The following KANK1 variants were observed in gnomAD, a reference collection of about 807,000 sequenced individuals.
The protein encoded by KANK1 is KN motif and ankyrin repeat domain-containing protein 1.
In KANK1, 109 loss-of-function variants were observed where a neutral mutation model predicts 106.2. The observed-to-expected ratio is 1.03, with a 90% confidence interval of 0.88 to 1.20. The LOEUF (loss-of-function observed/expected upper bound fraction) is 1.20. KANK1 is among the 50% of genes most tolerant of loss of function. KANK1 has a pLI of 0.00. For synonymous variants in KANK1, 873 were observed against 652.2 expected (o/e 1.34, Z -5.16); for missense variants, 2,399 against 1,710.7 (o/e 1.40, Z -7.10).
At chr9:732,182 C>T (rs556108190) in intron 5 of KANK1, 196 bp from the exon 6 acceptor site, 6 of 558,762 alleles carry the variant, frequency 1.1e-5, no homozygotes, top group South Asian at 4.9e-5. Context: ...TATATGATAC[C>T]GATAACCAGT....
At chr9:645,179 G>A (rs1023211921) in intron 1 of KANK1, among the ~76,000 whole-genome samples, 4 of 146,666 alleles carry the variant, frequency 2.7e-5, no homozygotes, top group Non-Finnish European at 3.0e-5. Context: ...GGTGGCTCAC[G>A]TCTGTAATCT....
At chr9:728,576 C>A (rs1831365584) in intron 3 of KANK1, among the ~76,000 whole-genome samples, 1 of 152,200 alleles carries the variant, frequency 6.6e-6, no homozygotes, top group Admixed American at 6.5e-5. Flanking sequence ...AATCCCCTTA[C>A]CTGTCCAGGC....
At chr9:581,306 C>A (rs1822088580) in intron 1 of KANK1, among the ~76,000 whole-genome samples, 1 of 152,208 alleles carries the variant, frequency 6.6e-6, no homozygotes, top group South Asian at 2.1e-4. Context: ...CACGTTGTCA[C>A]CTCTCAATGC....
At chr9:668,778 C>T (rs1046132011) in intron 1 of KANK1, among the ~76,000 whole-genome samples, 2 of 152,144 alleles carry the variant, frequency 1.3e-5, no homozygotes, top group Admixed American at 1.3e-4. Flanking sequence ...TCATGGAAGA[C>T]ATTTTTTCCA....
intron 1 of KANK1, among the ~76,000 whole-genome samples, chr9:562,659 C>G (rs975169572): frequency 6.6e-6 from 1 of 152,068 alleles, no homozygotes; most frequent in Non-Finnish European, 1.5e-5. Context: ...GTGAGGATTT[C>G]CTGAGATGAT....
intron 1 of KANK1, among the ~76,000 whole-genome samples, chr9:516,704 C>G (rs763541041): frequency 3.3e-5 from 5 of 151,528 alleles, no homozygotes; most frequent in Non-Finnish European, 7.4e-5. Flanking sequence ...AGGGGAGTTA[C>G]TAGGTTATAC....
chr9:708,715 G>T (rs995577294), intron 2 of KANK1, among the ~76,000 whole-genome samples: 1 of 152,156 alleles, frequency 6.6e-6, no homozygotes. Context: ...AACCAGGTTT[G>T]CTGGAAGTTA....
intron 1 of KANK1, among the ~76,000 whole-genome samples, chr9:651,318 T>TCA (rs1486259547): frequency 6.6e-6 from 1 of 152,196 alleles, no homozygotes; most frequent in Non-Finnish European, 1.5e-5. Flanking sequence ...CTAGTTTGTT[T>TCA]CATTGCTTCA....
chr9:602,727 T>A (rs1160696901), intron 1 of KANK1, among the ~76,000 whole-genome samples: 1 of 151,918 alleles, frequency 6.6e-6, no homozygotes, highest in East Asian at 1.9e-4. Flanking sequence ...GTCTTTACGG[T>A]CAGAGGACAT....
At chr9:634,262 T>C (rs190192723) in intron 1 of KANK1, among the ~76,000 whole-genome samples, 6 of 152,190 alleles carry the variant, frequency 3.9e-5, no homozygotes, top group African/African-American at 1.4e-4. Context: ...GTGCTGCTGA[T>C]TGGTTGAGGA....
At chr9:742,513 C>G in intron 10 of KANK1, 108 bp downstream of exon 10, 1 of 808,640 alleles carries the variant, frequency 1.2e-6, no homozygotes, top group Non-Finnish European at 1.9e-6. Flanking sequence ...CTATTCTCCT[C>G]TGGGATTTGT....
chr9:476,527 A>C (rs1451215910), intron 3 of KANK1: 1 of 152,050 alleles, frequency 6.6e-6, no homozygotes, highest in African/African-American at 2.4e-5. Flanking sequence ...CATCTCAAAA[A>C]CAAAAAAAAA....
chr9:597,229 G>C (rs895169808), intron 1 of KANK1, among the ~76,000 whole-genome samples: 1 of 151,616 alleles, frequency 6.6e-6, no homozygotes, highest in Non-Finnish European at 1.5e-5. Flanking sequence ...GTTCTTTTAG[G>C]TTCATACTTA....
chr9:685,452 G>C (rs1226733337), intron 2 of KANK1: 2 of 152,196 alleles, frequency 1.3e-5, no homozygotes, highest in African/African-American at 4.8e-5. Flanking sequence ...ACATAAGGGA[G>C]AGCTGTGCTA....
rs1205342161 is a variant in KANK1 at position 575,142 on chromosome 9, A to C, written c.-84+70388A>C. Among the ~76,000 whole-genome samples the C allele has an allele frequency of 2.0e-5, 3 of 152,362 alleles. No individual in the cohort carries two copies. In the East Asian group the frequency reaches 5.8e-4, roughly 29 times the overall value. On this transcript the variant is annotated intron_variant, in intron 1 of 11. Transcript: ENST00000382297. ...TAAATGTTCTGACATATTTCAATTA[A>C]AGCAGTGAACAATATTCTCAAAGAC...
chr9:516,417 C>G (rs988585097), intron 1 of KANK1, among the ~76,000 whole-genome samples: 1 of 151,612 alleles, frequency 6.6e-6, no homozygotes, highest in African/African-American at 2.4e-5. Flanking sequence ...AGAAGCGATT[C>G]AAATAACTGC....
At chr9:691,954 A>G (rs1331769148) in intron 2 of KANK1, among the ~76,000 whole-genome samples, 1 of 152,064 alleles carries the variant, frequency 6.6e-6, no homozygotes, top group African/African-American at 2.4e-5. Context: ...ACCTTTGTCT[A>G]AGTACATTGG....
chr9:511,583 C>G (rs1029420023), intron 1 of KANK1, among the ~76,000 whole-genome samples: 13 of 150,748 alleles, frequency 8.6e-5, no homozygotes, highest in African/African-American at 3.2e-4. Context: ...GTCACCTGTC[C>G]AGACTCAAGA....
intron 3 of KANK1, among the ~76,000 whole-genome samples, chr9:718,830 G>C (rs952922078): frequency 4.6e-5 from 7 of 152,036 alleles, no homozygotes; most frequent in African/African-American, 1.7e-4. Context: ...CTCTATCAAA[G>C]CTACATGCTT....
Sources: gnomAD v4.1 joint callset for allele counts (sites outside exome capture counted in the v4.1 genomes callset) on GRCh38, gnomAD v4.1.1 for gene constraint, MANE v1.5 for transcripts, NCBI Gene and HGNC (gene_info 2026-07-23, HGNC 2026-07-21) for gene names.